SUGCT: variants seen among roughly 807,000 people sequenced by gnomAD.
The protein encoded by SUGCT is succinyl-CoA:glutarate CoA-transferase.
SUGCT carries 41 observed loss-of-function variants against 55.0 expected under a neutral mutation model. That is an observed-to-expected ratio of 0.74 (90% CI 0.58 to 0.97). SUGCT has a LOEUF of 0.97. SUGCT is among the 50% of genes least tolerant of loss of function. SUGCT has a pLI of 0.00. For synonymous variants in SUGCT, 187 were observed against 200.4 expected, an observed-to-expected ratio of 0.93 and a Z score of 0.56; for missense variants, 568 against 547.8, an observed-to-expected ratio of 1.04 and a Z score of -0.37.
intron 9 of SUGCT, among the ~76,000 whole-genome samples, chr7:40,382,164 CTG>C (rs1032451041): frequency 2.6e-4 from 39 of 152,058 alleles, no homozygotes; most frequent in African/African-American, 9.4e-4. Flanking sequence ...TCATATGTCC[CTG>C]TGTAGCCTCT....
the SUGCT span, among the ~76,000 whole-genome samples, chr7:40,942,397 C>G: frequency 6.6e-6 from 1 of 152,244 alleles, no homozygotes; most frequent in East Asian, 1.9e-4. Flanking sequence ...ACCCCAGTCC[C>G]TTCTGGCTTG....
intron 12 of SUGCT, among the ~76,000 whole-genome samples, chr7:40,661,198 A>G (rs1013911626): frequency 2.0e-5 from 3 of 152,200 alleles, no homozygotes; most frequent in African/African-American, 7.2e-5. Flanking sequence ...AATGACCTCA[A>G]TCTATAATTC....
chr7:40,273,473 A>G (rs113750072), intron 7 of SUGCT, among the ~76,000 whole-genome samples: 2 of 152,334 alleles, frequency 1.3e-5, no homozygotes, highest in African/African-American at 4.8e-5. Flanking sequence ...TAGCAGAATT[A>G]AAGGTAGTGA....
intron 9 of SUGCT, among the ~76,000 whole-genome samples, chr7:40,445,622 A>G (rs1043375187): frequency 2.6e-5 from 4 of 152,202 alleles, no homozygotes; most frequent in African/African-American, 9.6e-5. Flanking sequence ...ATTGAAAAAG[A>G]GGGAATCCTC....
At chr7:40,177,391 G>A (rs1461594127) in intron 1 of SUGCT, among the ~76,000 whole-genome samples, 1 of 141,726 alleles carries the variant, frequency 7.1e-6, no homozygotes, top group East Asian at 2.4e-4. Flanking sequence ...CACTATACAA[G>A]CAGCGCTGGC....
rs144960803 is a variant in SUGCT, at chr7:40,409,545, C to G, written c.817-39742C>G. ...GAAGTGCTGGGATTACAGGTATGAG[C>G]CACCATACCTGGCCCCTGTTGTCTC... On this transcript the variant is annotated intron_variant, in intron 9 of 13. Coordinates refer to ENST00000335693, the MANE Select transcript of SUGCT (RefSeq NM_001193313.2). Among the ~76,000 whole-genome samples the G allele has an allele frequency of 2.8e-3, 428 of 152,306 alleles. 1 individual carries two copies. The highest frequency in any genetic ancestry group is 9.3e-3 in the African/African-American group (387 of 41,576).
At chr7:40,181,109 A>G (rs1273544174) in intron 2 of SUGCT, 111 bp downstream of exon 2, 2 of 806,826 alleles carry the variant, frequency 2.5e-6, no homozygotes, top group African/African-American at 3.5e-5. Context: ...GAAATTTTAG[A>G]GAAGAAAATA....
chr7:40,770,665 C>G (rs1789049168), intron 13 of SUGCT, among the ~76,000 whole-genome samples: 1 of 152,100 alleles, frequency 6.6e-6, no homozygotes, highest in Non-Finnish European at 1.5e-5. Context: ...GTGGCATCTT[C>G]CCTACTGGAA....
chr7:40,843,548 G>A (rs893393454), intron 13 of SUGCT, among the ~76,000 whole-genome samples: 2 of 150,812 alleles, frequency 1.3e-5, no homozygotes, highest in South Asian at 2.1e-4. Context: ...AGGCCTCACT[G>A]AGCAGAAATG....
chr7:40,530,106 C>T (rs1010162289), intron 12 of SUGCT, among the ~76,000 whole-genome samples: 18 of 152,134 alleles, frequency 1.2e-4, no homozygotes, highest in African/African-American at 3.6e-4. Flanking sequence ...TTCTGTGTCA[C>T]GCAATTCCCT....
At chr7:40,601,426 G>A (rs1002628968) in intron 12 of SUGCT, among the ~76,000 whole-genome samples, 2 of 152,168 alleles carry the variant, frequency 1.3e-5, no homozygotes, top group African/African-American at 4.8e-5. Flanking sequence ...TCATGTAATG[G>A]ATTTCTGAGT....
chr7:40,346,703 A>C (rs965965959), intron 9 of SUGCT, among the ~76,000 whole-genome samples: 7 of 152,140 alleles, frequency 4.6e-5, no homozygotes, highest in Admixed American at 4.6e-4. Context: ...CTGTATTTGG[A>C]GATGGGTTTC....
At chr7:40,460,235 T>G (rs1361575784) in intron 11 of SUGCT, among the ~76,000 whole-genome samples, 1 of 152,240 alleles carries the variant, frequency 6.6e-6, no homozygotes, top group Non-Finnish European at 1.5e-5. Flanking sequence ...CATTTTATAA[T>G]TTTAAACACT....
intron 9 of SUGCT, among the ~76,000 whole-genome samples, chr7:40,415,090 A>ATCTG (rs1214840408): frequency 0.018 from 2,611 of 143,704 alleles, 53 homozygotes; most frequent in Non-Finnish European, 0.029. Flanking sequence ...CTATCTATCT[A>ATCTG]TCTATCTATC....
At chr7:40,213,101 T>G (rs1787435805) in intron 6 of SUGCT, among the ~76,000 whole-genome samples, 1 of 151,718 alleles carries the variant, frequency 6.6e-6, no homozygotes, top group South Asian at 2.1e-4. Context: ...TTTCATATTT[T>G]TAATGTTTTT....
intron 1 of SUGCT, among the ~76,000 whole-genome samples, chr7:40,147,586 G>T (rs1256531036): frequency 6.6e-6 from 1 of 152,172 alleles, no homozygotes; most frequent in Non-Finnish European, 1.5e-5. Context: ...CCGCTCCTGC[G>T]GCTTCTCCTT....
chr7:40,415,062 ATCTATCT>A (rs1219926393), intron 9 of SUGCT, among the ~76,000 whole-genome samples: 18 of 14,820 alleles, frequency 1.2e-3, no homozygotes, highest in African/African-American at 2.6e-3. Flanking sequence ...AAAAAAAAAA[ATCTATCT>A]ATCTATCTAT....
At chr7:41,029,864 G>A in the SUGCT span, among the ~76,000 whole-genome samples, 1 of 152,092 alleles carries the variant, frequency 6.6e-6, no homozygotes, top group Non-Finnish European at 1.5e-5. Context: ...AGTATCATAA[G>A]TAATAGTTTA....
At chr7:40,688,450 T>G (rs1784556688) in intron 12 of SUGCT, among the ~76,000 whole-genome samples, 1 of 152,178 alleles carries the variant, frequency 6.6e-6, no homozygotes, top group African/African-American at 2.4e-5. Flanking sequence ...TATTTGTCGC[T>G]AAGATACCAT....
Sources: gnomAD v4.1 joint callset for allele counts (sites outside exome capture counted in the v4.1 genomes callset) on GRCh38, gnomAD v4.1.1 for gene constraint, MANE v1.5 for transcripts, NCBI Gene and HGNC (gene_info 2026-07-23, HGNC 2026-07-21) for gene names.